The following SORL1 variants were observed in gnomAD, a reference collection of about 807,000 sequenced individuals.
SORL1 encodes the protein sortilin related receptor 1.
In SORL1, 127 loss-of-function variants were observed where a neutral mutation model predicts 273.7. That is an observed-to-expected ratio of 0.46 (90% CI 0.40 to 0.54). The LOEUF (loss-of-function observed/expected upper bound fraction) is 0.54, where lower values mean the gene tolerates loss of function less well. Among genes scored for constraint, SORL1 ranks in the 20% least tolerant of loss-of-function variants. The probability of loss-of-function intolerance (pLI) is 0.00; values close to 1 mark genes in which losing one functional copy is unlikely to be tolerated. For synonymous variants in SORL1, 1,031 were observed against 1,067.4 expected, an observed-to-expected ratio of 0.97 and a Z score of 0.66; for missense variants, 2,494 against 2,846.1, an observed-to-expected ratio of 0.88 and a Z score of 2.81.
At chr11:121,460,221 C>T (rs1860974849) in intron 1 of SORL1, among the ~76,000 whole-genome samples, 1 of 151,930 alleles carries the variant, frequency 6.6e-6, no homozygotes. Context: ...GAGAGACTAG[C>T]CTGTTGAGTA....
intron 2 of SORL1, among the ~76,000 whole-genome samples, chr11:121,474,951 A>C (rs537744588): frequency 1.3e-5 from 2 of 152,242 alleles, no homozygotes; most frequent in Non-Finnish European, 2.9e-5. Context: ...AGTCTATGCT[A>C]ATTAAGTAGA....
intron 9 of SORL1, 104 bp downstream of exon 9, chr11:121,520,953 A>G (rs1421120190): frequency 1.4e-6 from 1 of 698,458 alleles, no homozygotes; most frequent in East Asian, 3.1e-5. Flanking sequence ...ACAAGATCAC[A>G]TGGTATTCTA....
chr11:121,460,807 G>T (rs920822627), intron 1 of SORL1, among the ~76,000 whole-genome samples: 3 of 152,176 alleles, frequency 2.0e-5, no homozygotes, highest in African/African-American at 7.2e-5. Flanking sequence ...CTAGCTTGGG[G>T]ACTGTGGCTG....
At chr11:121,551,931 A>G (rs1449231975) in intron 16 of SORL1, among the ~76,000 whole-genome samples, 1 of 152,224 alleles carries the variant, frequency 6.6e-6, no homozygotes. Context: ...GTGGGTTAGT[A>G]GGGTTTGAGT....
In SORL1 at chr11:121,514,191, G is replaced by C. The variant is rs776374954; in HGVS notation, c.1081G>C (p.Val361Leu). 1.6e-5 allele frequency: 26 copies of C among 1,614,168 alleles called. No individual in the cohort carries two copies. The East Asian group carries it at 5.8e-4, about 36-fold the overall frequency. The change falls in exon 8 of 48, where the codon GTG (valine) becomes CTG (leucine). Residue 361 changes from valine (V) to leucine (L), a missense_variant. Val to Leu is a conservative substitution (Grantham distance 32). Around this residue, in one of 3 missense-constraint regions of SORL1, gnomAD observed 710 missense variants for 882.5 expected, o/e 0.80. Transcript: ENST00000260197. ...IADASEDQVFVCVSHSNNRTN... is the reference protein window; with the variant it reads ...IADASEDQVFLCVSHSNNRTN... ...AGATGCCTCCGAGGACCAGGTGTTT[G>C]TGTGTGTCAGCCACAGTAACAACCG...
At chr11:121,513,731 G>A (rs1861912213) in intron 7 of SORL1, among the ~76,000 whole-genome samples, 1 of 152,182 alleles carries the variant, frequency 6.6e-6, no homozygotes. Flanking sequence ...GGATCATACG[G>A]AGAACAGTCA....
chr11:121,520,000 C>T (rs189523361), intron 8 of SORL1, among the ~76,000 whole-genome samples: 135 of 152,232 alleles, frequency 8.9e-4, no homozygotes, highest in Non-Finnish European at 1.6e-3. Context: ...CCTGTAATCC[C>T]AGCACTTTGG....
At chr11:121,580,468 C>T (rs185196836) in intron 25 of SORL1, among the ~76,000 whole-genome samples, 6 of 152,078 alleles carry the variant, frequency 3.9e-5, no homozygotes, top group Non-Finnish European at 8.8e-5. Flanking sequence ...CGTTTTGTAT[C>T]TAGAATTTCT....
Position 121,612,389 on chromosome 11 carries a change from G to A in SORL1, c.5323-347G>A, listed in dbSNP as rs73020614. The A allele has an allele frequency of 2.1e-3, 420 of 204,216 alleles. 1 individual carries two copies. Among genetic ancestry groups the A allele is most frequent in the Middle Eastern group, 0.019 (9 of 468 alleles). The allele number at this position is 204,216 out of a possible 1,614,324, so 12.7% of individuals were successfully genotyped here. On this transcript the variant is annotated intron_variant, in intron 39 of 47. Transcript: ENST00000260197. The stretch of plus-strand genomic sequence containing the variant: ...TTGTCTTCTTGGCCTTGACTGCAAG[G>A]ATTTATCCTTAATTTCCATGGCCTA...
At chr11:121,618,661 A>T (rs1863673813) in intron 41 of SORL1, 113 bp from the exon 42 acceptor site, 3 of 1,277,236 alleles carry the variant, frequency 2.3e-6, no homozygotes, top group South Asian at 2.7e-5. Context: ...TTGAATGAAG[A>T]CTTCTCTGTG....
In SORL1 at chr11:121,630,644, T is replaced by C. The variant is rs1315511541; in HGVS notation, c.*1081T>C. On this transcript the variant is annotated 3_prime_UTR_variant, in exon 48 of 48. Coordinates refer to ENST00000260197, the MANE Select transcript of SORL1 (RefSeq NM_003105.6). ...CCTTCTCTTTTTTTTTCTCCTCTTC[T>C]TCCATCTCCCTCACCCATGCCCCCA... 1 of 152,220 alleles carries C rather than the reference T, an allele frequency of 6.6e-6. No individual in the cohort carries two copies. The highest frequency in any genetic ancestry group is 1.5e-5 in the Non-Finnish European group (1 of 68,042). 9.4% of individuals were successfully genotyped at this position (152,220 alleles called of 1,614,324 possible).
intron 5 of SORL1, among the ~76,000 whole-genome samples, chr11:121,496,461 T>C (rs567508357): frequency 2.0e-5 from 3 of 152,334 alleles, no homozygotes; most frequent in South Asian, 2.1e-4. Flanking sequence ...TCTCCAGTAA[T>C]GTTCTTCAGA....
chr11:121,602,424 G>A (rs956719549), intron 32 of SORL1, among the ~76,000 whole-genome samples: 1 of 152,130 alleles, frequency 6.6e-6, no homozygotes, highest in African/African-American at 2.4e-5. Flanking sequence ...ACTCATCAGT[G>A]GAGAACACTT....
intron 24 of SORL1, 28 bp from the exon 25 acceptor site, chr11:121,577,253 A>T: frequency 1.3e-6 from 2 of 1,556,952 alleles, no homozygotes; most frequent in Non-Finnish European, 1.7e-6. Flanking sequence ...TTTTGTCCTC[A>T]CCTCTCTGTT....
chr11:121,599,138 C>T (rs1295168467), intron 32 of SORL1, among the ~76,000 whole-genome samples: 5 of 152,114 alleles, frequency 3.3e-5, no homozygotes, highest in Non-Finnish European at 5.9e-5. Flanking sequence ...TTCTCTCTGT[C>T]CAGAACATGC....
rs150954151 is a variant in SORL1 at position 121,511,551 on chromosome 11, A to G, written c.940-1452A>G. Among the ~76,000 whole-genome samples, 429 of 152,332 alleles carry G rather than the reference A, an allele frequency of 2.8e-3. 1 individual carries two copies. Among genetic ancestry groups the G allele is most frequent in the African/African-American group, 9.9e-3 (410 of 41,582 alleles). ...GGAACTGTTTTCTTATTCAGTTAAT[A>G]TGCTTTTACATTTTTAATAGATCCA... is the stretch of plus-strand genomic sequence containing the variant. On this transcript the variant is annotated intron_variant, in intron 6 of 47. Coordinates refer to ENST00000260197, the MANE Select transcript of SORL1 (RefSeq NM_003105.6).
chr11:121,602,137 C>T (rs1305303792), intron 32 of SORL1, among the ~76,000 whole-genome samples: 1 of 152,146 alleles, frequency 6.6e-6, no homozygotes, highest in Non-Finnish European at 1.5e-5. Flanking sequence ...GTTCTCAAAC[C>T]TTTCTCTAAT....
Position 121,470,078 on chromosome 11 carries a change from C to A in SORL1, c.357C>A (p.Ala119=). 1 of 1,614,144 alleles carries A rather than the reference C, an allele frequency of 6.2e-7. No individual in the cohort carries two copies. Among genetic ancestry groups the A allele is most frequent in the South Asian group, 1.1e-5 (1 of 91,084 alleles). Residue 119 remains alanine, a synonymous_variant, in exon 2 of 48, where the codon GCC becomes GCA. Transcript: ENST00000260197. The part of the protein sequence containing the change: ...WAGEKSNVIV[A]LARDSLALAR... Reference sequence around the variant, plus strand: ...GAGAGAAAAGCAACGTGATCGTGGCCTTGGCCCGAGATAGCCTGGCATTGG... The same window carrying A: ...GAGAGAAAAGCAACGTGATCGTGGCATTGGCCCGAGATAGCCTGGCATTGG...
intron 6 of SORL1, among the ~76,000 whole-genome samples, chr11:121,500,900 C>T (rs191534191): frequency 5.3e-5 from 8 of 152,290 alleles, no homozygotes; most frequent in Admixed American, 2.0e-4. Context: ...TAAGCAACCA[C>T]GAATTTCACT....
Sources: gnomAD v4.1 joint callset for allele counts (sites outside exome capture counted in the v4.1 genomes callset) on GRCh38, gnomAD v4.1.1 for gene constraint, gnomAD v4.1.1 regional missense constraint, MANE v1.5 for transcripts, NCBI Gene and HGNC (gene_info 2026-07-23, HGNC 2026-07-21) for gene names.